Variants in EYS observed in about 807,000 individuals in gnomAD.
The protein encoded by EYS is protein eyes shut homolog.
In EYS, 250 loss-of-function variants were observed where a neutral mutation model predicts 282.1. That is an observed-to-expected ratio of 0.89 (90% CI 0.80 to 0.98). The LOEUF (loss-of-function observed/expected upper bound fraction) is 0.98. EYS is among the 50% of genes least tolerant of loss of function. EYS has a pLI of 0.00. For missense variants in EYS, 4,016 were observed against 3,709.0 expected (o/e 1.08, Z -2.15); for synonymous variants, 1,355 against 1,282.9 (o/e 1.06, Z -1.20).
chr6:64,243,064 T>G (rs1766888433), intron 30 of EYS, among the ~76,000 whole-genome samples: 1 of 147,714 alleles, frequency 6.8e-6, no homozygotes, highest in Non-Finnish European at 1.5e-5. Flanking sequence ...TATATGTAAA[T>G]ATATGAAATT....
intron 26 of EYS, among the ~76,000 whole-genome samples, chr6:64,519,440 A>T (rs1777662586): frequency 6.6e-6 from 1 of 151,830 alleles, no homozygotes; most frequent in Non-Finnish European, 1.5e-5. Flanking sequence ...TTGAATGAAG[A>T]GGAGAAAACA....
At chr6:63,906,911 T>TA (rs1257442062) in intron 35 of EYS, among the ~76,000 whole-genome samples, 2 of 151,458 alleles carry the variant, frequency 1.3e-5, no homozygotes, top group African/African-American at 4.9e-5. Context: ...AAAAAAAACC[T>TA]AAAAAAAGGA....
At chr6:64,553,962 T>C in intron 26 of EYS, among the ~76,000 whole-genome samples, 1 of 152,256 alleles carries the variant, frequency 6.6e-6, no homozygotes, top group East Asian at 1.9e-4. Context: ...CATTGCCTTC[T>C]TACAATTATC....
intron 13 of EYS, among the ~76,000 whole-genome samples, chr6:65,047,240 C>T (rs958975552): frequency 6.6e-6 from 1 of 151,722 alleles, no homozygotes; most frequent in Non-Finnish European, 1.5e-5. Context: ...TTCCAGAGAA[C>T]ATGGATTTCA....
intron 19 of EYS, among the ~76,000 whole-genome samples, chr6:64,865,382 G>C (rs1766396637): frequency 6.6e-6 from 1 of 152,084 alleles, no homozygotes; most frequent in Non-Finnish European, 1.5e-5. Context: ...GGCAATATAT[G>C]AGCTGATGTC....
chr6:65,461,088 G>A (rs1323825767), intron 5 of EYS, among the ~76,000 whole-genome samples: 1 of 152,072 alleles, frequency 6.6e-6, no homozygotes, highest in African/African-American at 2.4e-5. Context: ...CTCAATTGAT[G>A]TGATTGATTG....
At chr6:65,459,287 A>G (rs1168429915) in intron 5 of EYS, among the ~76,000 whole-genome samples, 1 of 152,052 alleles carries the variant, frequency 6.6e-6, no homozygotes, top group Non-Finnish European at 1.5e-5. Context: ...TAATATTTTC[A>G]CTTATTAGAA....
chr6:65,248,172 T>A (rs908469296), intron 12 of EYS, among the ~76,000 whole-genome samples: 1 of 152,130 alleles, frequency 6.6e-6, no homozygotes, highest in African/African-American at 2.4e-5. Flanking sequence ...TTTAATGGCC[T>A]ACTATTATTA....
intron 2 of EYS, among the ~76,000 whole-genome samples, chr6:65,601,275 C>T (rs1765609159): frequency 6.6e-6 from 1 of 151,780 alleles, no homozygotes; most frequent in Non-Finnish European, 1.5e-5. Flanking sequence ...CATATCTTTT[C>T]ATCTGGAAAA....
At chr6:65,216,271 G>A (rs1427327025) in intron 12 of EYS, among the ~76,000 whole-genome samples, 1 of 151,970 alleles carries the variant, frequency 6.6e-6, no homozygotes, top group Non-Finnish European at 1.5e-5. Flanking sequence ...AGTAAAAAGT[G>A]TTTACATGAG....
Position 65,229,268 on chromosome 6 carries a change from A to C in EYS, c.2023+66595T>G, listed in dbSNP as rs562273466. Among the ~76,000 whole-genome samples the C allele has an allele frequency of 8.7e-5, 7 of 80,262 alleles. No homozygotes were observed. In the East Asian group the frequency reaches 4.9e-3, roughly 56 times the overall value. The allele number at this position is 80,262 out of a possible 152,430, so 52.7% of individuals were successfully genotyped here. A position where few individuals can be genotyped will look rare whatever the true frequency, so the allele number is the denominator to read the frequency against. The stretch of plus-strand genomic sequence containing the variant: ...TGAACAACTAGTGTTGCGGCTAGAT[A>C]AACAAAAAAGAAAAAGAAAAAAAGG... On this transcript the variant is annotated intron_variant, in intron 12 of 42. Transcript: ENST00000503581.
chr6:64,764,995 C>T (rs1327006366), intron 22 of EYS, among the ~76,000 whole-genome samples: 2 of 152,194 alleles, frequency 1.3e-5, no homozygotes, highest in Non-Finnish European at 2.9e-5. Flanking sequence ...CCTTGGCCTC[C>T]CAAAGTGCTG....
chr6:63,977,595 G>A (rs924040316), intron 35 of EYS, among the ~76,000 whole-genome samples: 2 of 151,966 alleles, frequency 1.3e-5, no homozygotes, highest in African/African-American at 4.8e-5. Flanking sequence ...AGCAGGTAAG[G>A]AGCTGTGAAG....
At chr6:64,726,061 CA>C in intron 22 of EYS, among the ~76,000 whole-genome samples, 1 of 152,090 alleles carries the variant, frequency 6.6e-6, no homozygotes, top group Admixed American at 6.5e-5. Context: ...GTTGACTTGA[CA>C]ATATCCAAGA....
chr6:63,754,718 T>C (rs1165098523), intron 41 of EYS, among the ~76,000 whole-genome samples: 1 of 152,194 alleles, frequency 6.6e-6, no homozygotes, highest in Non-Finnish European at 1.5e-5. Context: ...GAAATGGGAT[T>C]GCTGGGTCAA....
intron 12 of EYS, among the ~76,000 whole-genome samples, chr6:65,201,651 G>T (rs1428808869): frequency 6.6e-6 from 1 of 151,974 alleles, no homozygotes; most frequent in Non-Finnish European, 1.5e-5. Context: ...AATATATATG[G>T]ATTTCAAATA....
intron 36 of EYS, among the ~76,000 whole-genome samples, chr6:63,830,299 C>T (rs950964993): frequency 5.3e-5 from 8 of 152,170 alleles, no homozygotes; most frequent in African/African-American, 1.7e-4. Flanking sequence ...TCGAACCTAT[C>T]GCAAAAAAGT....
rs1772490505 is a variant in EYS, at chr6:65,028,463, T to TTACTATGTACTATAG, written c.2137+29150_2137+29151insCTATAGTACATAGTA. Among the ~76,000 whole-genome samples the TTACTATGTACTATAG allele has an allele frequency of 2.6e-5, 4 of 152,126 alleles. No individual in the cohort carries two copies. The South Asian group carries it at 8.3e-4, about 32-fold the overall frequency. ...TATTTCTTACATCATCATAGTACAA[T>TTACTATGTACTATAG]TACAAAAACCAATACTATTGACTAT... On this transcript the variant is annotated intron_variant, in intron 13 of 42. Coordinates refer to ENST00000503581, the MANE Select transcript of EYS (RefSeq NM_001142800.2).
chr6:65,022,902 T>G (rs1218036109), intron 13 of EYS, among the ~76,000 whole-genome samples: 2 of 151,866 alleles, frequency 1.3e-5, no homozygotes, highest in Non-Finnish European at 2.9e-5. Flanking sequence ...ACTATTGAAA[T>G]TGTTAACATT....
Sources: gnomAD v4.1 joint callset for allele counts (sites outside exome capture counted in the v4.1 genomes callset) on GRCh38, gnomAD v4.1.1 for gene constraint, MANE v1.5 for transcripts, NCBI Gene and HGNC (gene_info 2026-07-23, HGNC 2026-07-21) for gene names.